Variants in ESRRG observed in about 807,000 individuals in gnomAD.
ESRRG encodes the protein estrogen related receptor gamma.
Under a neutral mutation model 44.0 loss-of-function variants are expected in ESRRG, and 13 were observed. The observed-to-expected ratio is 0.30, with a 90% CI of 0.19 to 0.47. The LOEUF (loss-of-function observed/expected upper bound fraction) is 0.47, where lower values mean the gene tolerates loss of function less well. Among genes scored for constraint, ESRRG ranks in the 20% least tolerant of loss-of-function variants. The probability of loss-of-function intolerance (pLI) is 1.00; values close to 1 mark genes in which losing one functional copy is unlikely to be tolerated. For synonymous variants in ESRRG, 215 were observed against 214.6 expected, an observed-to-expected ratio of 1.00 and a Z score of -0.02; for missense variants, 395 against 580.6, an observed-to-expected ratio of 0.68 and a Z score of 3.29.
chr1:216,738,818 A>T (rs1284353157), intron 2 of ESRRG, among the ~76,000 whole-genome samples: 2 of 152,122 alleles, frequency 1.3e-5, no homozygotes, highest in East Asian at 3.9e-4. Flanking sequence ...AATCTTACTT[A>T]TCCTTTTTAA....
chr1:217,045,963 C>T (rs759311531), intron 1 of ESRRG, among the ~76,000 whole-genome samples: 1 of 151,852 alleles, frequency 6.6e-6, no homozygotes, highest in Non-Finnish European at 1.5e-5. Context: ...GATTGAGATG[C>T]CTTTCCATTT....
intron 2 of ESRRG, among the ~76,000 whole-genome samples, chr1:216,918,919 A>C (rs2061500834): frequency 6.7e-6 from 1 of 150,310 alleles, no homozygotes; most frequent in South Asian, 2.1e-4. Flanking sequence ...TATTAATCTA[A>C]AAAATGAGGA....
chr1:216,894,011 G>GT (rs999383037), intron 2 of ESRRG, among the ~76,000 whole-genome samples: 2 of 152,104 alleles, frequency 1.3e-5, no homozygotes, highest in African/African-American at 4.8e-5. Context: ...TTCTGGAAAG[G>GT]TTTTTTCCAA....
chr1:216,868,136 G>A (rs955065062), intron 2 of ESRRG, among the ~76,000 whole-genome samples: 1 of 137,194 alleles, frequency 7.3e-6, no homozygotes, highest in Admixed American at 8.0e-5. Context: ...TGCCCAGGCT[G>A]GAGTGGAATG....
At chr1:216,538,427 C>T (rs943894046) in intron 5 of ESRRG, among the ~76,000 whole-genome samples, 6 of 151,948 alleles carry the variant, frequency 3.9e-5, no homozygotes, top group African/African-American at 1.5e-4. Context: ...CCCTAGAGCT[C>T]TTCCTGGCAC....
At chr1:217,131,960 T>C (rs1289976453) in intron 1 of ESRRG, among the ~76,000 whole-genome samples, 2 of 152,192 alleles carry the variant, frequency 1.3e-5, no homozygotes, top group Admixed American at 1.3e-4. Context: ...TCAGTTCCTC[T>C]AGACACTGAC....
intron 1 of ESRRG, among the ~76,000 whole-genome samples, chr1:217,096,878 G>C (rs569624729): frequency 3.3e-5 from 5 of 152,134 alleles, no homozygotes; most frequent in Non-Finnish European, 5.9e-5. Flanking sequence ...AATAAACAAT[G>C]ATCAAGGAGA....
At chr1:217,092,169 C>A (rs573015291), upstream of ESRRG, among the ~76,000 whole-genome samples, 10 of 152,280 alleles carry the variant, frequency 6.6e-5, no homozygotes, top group African/African-American at 2.4e-4. Context: ...GCCTAGGAAC[C>A]GCTCTCTGTT....
chr1:216,894,188 A>G (rs1170482218), intron 2 of ESRRG, among the ~76,000 whole-genome samples: 1 of 152,136 alleles, frequency 6.6e-6, no homozygotes, highest in Non-Finnish European at 1.5e-5. Flanking sequence ...ACTGTGGATC[A>G]TCCTGCAAAA....
intron 1 of ESRRG, among the ~76,000 whole-genome samples, chr1:216,958,843 G>A (rs2068474087): frequency 1.3e-5 from 2 of 152,074 alleles, no homozygotes; most frequent in African/African-American, 4.8e-5. Flanking sequence ...CAGAGCTCCT[G>A]TTCCCTCTGC....
At chr1:216,556,982 A>G (rs2057718652) in intron 5 of ESRRG, among the ~76,000 whole-genome samples, 1 of 152,174 alleles carries the variant, frequency 6.6e-6, no homozygotes, top group South Asian at 2.1e-4. Flanking sequence ...CAAGTCTTGC[A>G]CAACTACTCA....
intron 1 of ESRRG, among the ~76,000 whole-genome samples, chr1:217,072,604 C>A (rs551882487): frequency 6.6e-6 from 1 of 152,142 alleles, no homozygotes; most frequent in Non-Finnish European, 1.5e-5. Flanking sequence ...CCAAGGATTG[C>A]GGAATTTTGA....
chr1:216,550,062 G>A (rs544079444), intron 5 of ESRRG, among the ~76,000 whole-genome samples: 42 of 152,076 alleles, frequency 2.8e-4, no homozygotes, highest in Admixed American at 6.6e-4. Context: ...TTGAAAAAAA[G>A]CAATGTCCAT....
chr1:216,661,889 A>G lies in ESRRG; in HGVS notation c.473-10800T>C, dbSNP rs185445019. Among the ~76,000 whole-genome samples, 154 of 152,318 alleles carry G rather than the reference A, an allele frequency of 1.0e-3. 1 individual carries two copies. Among genetic ancestry groups the G allele is most frequent in the Admixed American group, 5.6e-3 (86 of 15,284 alleles). ...CTGTGTGTAAGCTGTAGGAGGCAGT[A>G]TAACATATAGATTACGAGCTAACAT... On this transcript the variant is annotated intron_variant, in intron 2 of 6. Coordinates refer to ENST00000408911, the MANE Select transcript of ESRRG (RefSeq NM_001438.4).
Position 216,516,668 on chromosome 1 carries a change from C to CACACACACACACACACAGAG in ESRRG, c.1132+2483_1132+2484insCTCTGTGTGTGTGTGTGTGT, listed in dbSNP as rs376701865. Among the ~76,000 whole-genome samples the CACACACACACACACACAGAG allele has an allele frequency of 1.8e-3, 246 of 137,214 alleles. 2 individuals are homozygous for CACACACACACACACACAGAG. The highest frequency in any genetic ancestry group is 0.011 in the Middle Eastern group (3 of 264). 90.0% of individuals were successfully genotyped at this position (137,214 alleles called of 152,430 possible). A position where few individuals can be genotyped will look rare whatever the true frequency, so the allele number is the denominator to read the frequency against. ...ACACACACACACACACACACACACA[C>CACACACACACACACACAGAG]AGAGAGAGAGAGAGAAACGACAAAA... On this transcript the variant is annotated intron_variant, in intron 6 of 6. Transcript: ENST00000408911.
At position 216,643,026 on chromosome 1, in the gene ESRRG, A is replaced by C. The variant is rs556429032; in HGVS notation, c.589+7947T>G. The stretch of plus-strand genomic sequence containing the variant: ...ATATGAAACAGAAGGGTAATTAGAC[A>C]AGTAAGTTGCTCTTTGCTACTCCTG... On this transcript the variant is annotated intron_variant, in intron 3 of 6. Transcript: ENST00000408911. Among the ~76,000 whole-genome samples, 13 of 152,290 alleles carry C rather than the reference A, an allele frequency of 8.5e-5. No homozygotes were observed. The South Asian group carries it at 1.0e-3, about 12-fold the overall frequency.
intron 2 of ESRRG, among the ~76,000 whole-genome samples, chr1:216,797,559 A>G (rs552977848): frequency 6.6e-5 from 10 of 152,268 alleles, no homozygotes; most frequent in African/African-American, 1.7e-4. Flanking sequence ...GGGGGAAAAA[A>G]ATCCCATTAC....
At chr1:216,563,340 T>G (rs1022701009) in intron 5 of ESRRG, among the ~76,000 whole-genome samples, 3 of 152,206 alleles carry the variant, frequency 2.0e-5, no homozygotes, top group Admixed American at 6.6e-5. Context: ...TCGTTACGAC[T>G]GTTAGCAACA....
At chr1:216,747,362 T>C (rs2091517940) in intron 2 of ESRRG, among the ~76,000 whole-genome samples, 1 of 152,186 alleles carries the variant, frequency 6.6e-6, no homozygotes, top group Admixed American at 6.5e-5. Context: ...ATGTCAGTGT[T>C]CATATACCTC....
Sources: gnomAD v4.1 joint callset for allele counts (sites outside exome capture counted in the v4.1 genomes callset) on GRCh38, gnomAD v4.1.1 for gene constraint, MANE v1.5 for transcripts, NCBI Gene and HGNC (gene_info 2026-07-23, HGNC 2026-07-21) for gene names.